DELE1: variants seen among roughly 807,000 people sequenced by gnomAD.
DELE1 encodes DAP3 binding cell death enhancer 1, also known as death ligand signal enhancer.
In DELE1, 54 loss-of-function variants were observed where a neutral mutation model predicts 59.3. The ratio of observed to expected loss-of-function variants is 0.91; its 90% CI spans 0.73 to 1.14. The LOEUF is 1.14. Among genes scored for constraint, DELE1 ranks in the 50% most tolerant of loss-of-function variants. The pLI, the probability that DELE1 is intolerant of heterozygous loss-of-function variation, is 0.00. For synonymous variants in DELE1, 264 were observed against 259.1 expected, an observed-to-expected ratio of 1.02 and a Z score of -0.18; for missense variants, 636 against 643.9, an observed-to-expected ratio of 0.99 and a Z score of 0.13.
intron 10 of DELE1, 133 bp from the exon 11 acceptor site, chr5:141,937,065 C>T (rs777075350): frequency 1.1e-5 from 16 of 1,516,452 alleles, no homozygotes; most frequent in African/African-American, 4.2e-5. Context: ...TGCTATGGGG[C>T]GGGCCAGGAC....
At position 141,940,176 on chromosome 5, in the gene DELE1, G is replaced by A. The variant is rs543409808; in HGVS notation, c.*1417G>A. Reference sequence around the variant, plus strand: ...CATCACTCTTGCCCTTGAGTATTATGGGAAGAGCCAGGGAGACGGGCAGGG... The same window carrying A: ...CATCACTCTTGCCCTTGAGTATTATAGGAAGAGCCAGGGAGACGGGCAGGG... On this transcript the variant is annotated 3_prime_UTR_variant, in exon 12 of 12. Coordinates refer to ENST00000432126, the MANE Select transcript of DELE1 (RefSeq NM_014773.5). The A allele has an allele frequency of 1.0e-6, 1 of 985,432 alleles. No individual in the cohort carries two copies. The highest frequency in any genetic ancestry group is 1.2e-6 in the Non-Finnish European group (1 of 829,934). 61.0% of individuals were successfully genotyped at this position (985,432 alleles called of 1,614,324 possible).
intron 7 of DELE1, among the ~76,000 whole-genome samples, chr5:141,932,505 A>G (rs1751992340): frequency 6.6e-6 from 1 of 152,240 alleles, no homozygotes. Context: ...GACAGGAATC[A>G]GGGAAGCTTC....
chr5:141,940,788 G>T lies in DELE1; in HGVS notation c.*2029G>T. On this transcript the variant is annotated 3_prime_UTR_variant, in exon 12 of 12. Coordinates refer to ENST00000432126, the MANE Select transcript of DELE1 (RefSeq NM_014773.5). ...CAGTGTCCCCAGCACTGAGTGCAAG[G>T]CCCCATGCAGGGTAGGAAACCTGAG... 1.0e-6 allele frequency: 1 copy of T among 984,490 alleles called. No individual in the cohort carries two copies. The highest frequency in any genetic ancestry group is 1.2e-6 in the Non-Finnish European group (1 of 829,060). The allele number at this position is 984,490 out of a possible 1,614,324, so 61.0% of individuals were successfully genotyped here.
Position 141,939,873 on chromosome 5 carries a change from T to A in DELE1, c.*1114T>A. 1.7e-6 allele frequency: 1 copy of A among 592,264 alleles called. No individual in the cohort carries two copies. The highest frequency in any genetic ancestry group is 2.1e-6 in the Non-Finnish European group (1 of 471,268). 36.7% of individuals were successfully genotyped at this position (592,264 alleles called of 1,614,324 possible). On this transcript the variant is annotated 3_prime_UTR_variant, in exon 12 of 12. Transcript: ENST00000432126. ...ACAGAGAGGACCTTTGTGCTCACTT[T>A]GGCCCAGGAGGCAGTGATGCTCATG...
At chr5:141,936,507 G>C (rs1056571724) in intron 10 of DELE1, among the ~76,000 whole-genome samples, 1 of 152,136 alleles carries the variant, frequency 6.6e-6, no homozygotes, top group Middle Eastern at 3.4e-3. Flanking sequence ...CGATCTCAGC[G>C]CACTGCAACC....
chr5:141,927,670 G>A (rs907507868), intron 3 of DELE1, among the ~76,000 whole-genome samples: 3 of 152,202 alleles, frequency 2.0e-5, no homozygotes, highest in East Asian at 1.9e-4. Flanking sequence ...GGGAATGGGA[G>A]TTGGTGGAAG....
intron 4 of DELE1, among the ~76,000 whole-genome samples, chr5:141,929,119 A>G (rs1751665312): frequency 6.6e-6 from 1 of 152,186 alleles, no homozygotes; most frequent in African/African-American, 2.4e-5. Context: ...AGGGAAGCCA[A>G]GGAAACAGAG....
chr5:141,924,652 A>G lies in DELE1; in HGVS notation c.103A>G (p.Thr35Ala). 2 of 1,614,102 alleles carry G rather than the reference A, an allele frequency of 1.2e-6. No individual in the cohort carries two copies. Among genetic ancestry groups the G allele is most frequent in the Non-Finnish European group, 1.7e-6 (2 of 1,179,966 alleles). The change falls in exon 2 of 12, where the codon ACT becomes GCT. Residue 35 changes from threonine to alanine, a missense_variant. Thr to Ala is a moderately conservative substitution (Grantham distance 58). Coordinates refer to ENST00000432126, the MANE Select transcript of DELE1 (RefSeq NM_014773.5). ...GTCCACCAGCCCAGATGGGCCTCAGACTACCTCCTCCACTTTGCTGGTTCC... is the reference window on the plus strand; with the variant it reads ...GTCCACCAGCCCAGATGGGCCTCAGGCTACCTCCTCCACTTTGCTGGTTCC... ...PKSTSPDGPQTTSSTLLVPVP... is the reference protein window; with the variant it reads ...PKSTSPDGPQATSSTLLVPVP...
At chr5:141,925,130 C>G (rs894438948) in intron 2 of DELE1, among the ~76,000 whole-genome samples, 1 of 151,974 alleles carries the variant, frequency 6.6e-6, no homozygotes, top group African/African-American at 2.4e-5. Context: ...GGGGTTTCAC[C>G]ATGTTAGCCA....
At chr5:141,928,339 G>T (rs367773476) in intron 4 of DELE1, 41 bp downstream of exon 4, 1 of 1,590,554 alleles carries the variant, frequency 6.3e-7, no homozygotes, top group South Asian at 1.1e-5. Context: ...TGGGCTGGGC[G>T]TTTCTCTGGG....
At position 141,934,505 on chromosome 5, in the gene DELE1, C is replaced by T. The variant is rs745629332; in HGVS notation, c.1068C>T (p.Phe356=). The change falls in exon 10 of 12, where the codon TTC becomes TTT. Residue 356 remains phenylalanine (F), a synonymous_variant. Transcript: ENST00000432126. The part of the protein sequence containing the change: ...ADSGLREAQA[F]LGVLFTKEPY... ...CTCCTTGACCACAGGCCCAAGCTTT[C>T]CTCGGGGTGCTTTTCACCAAGGAGC... The T allele has an allele frequency of 6.2e-7, 1 of 1,614,260 alleles. No individual in the cohort carries two copies. The highest frequency in any genetic ancestry group is 1.1e-5 in the South Asian group (1 of 91,088).
At chr5:141,938,421 C>T in intron 11 of DELE1, 100 bp from the exon 12 acceptor site, 1 of 1,522,744 alleles carries the variant, frequency 6.6e-7, no homozygotes, top group Non-Finnish European at 8.8e-7. Context: ...TGGGAGTTAA[C>T]AATGCCTGGG....
In DELE1 at chr5:141,923,951, C is replaced by T; in HGVS notation, c.10C>T (p.Leu4Phe). The T allele has an allele frequency of 6.2e-7, 1 of 1,608,972 alleles. No homozygotes were observed. The highest frequency in any genetic ancestry group is 8.5e-7 in the Non-Finnish European group (1 of 1,177,942). The change falls in exon 1 of 12, where the codon CTC (leucine) becomes TTC (phenylalanine). Residue 4 changes from leucine (L) to phenylalanine (F), a missense_variant. Coordinates refer to ENST00000432126, the MANE Select transcript of DELE1 (RefSeq NM_014773.5). ...TGGTGCTGGCAGCGACATGTGGCGC[C>T]TCCCGGGACTCCTGGGCCGAGGTAA... MWR[L>F]PGLLGRALPR...
rs766355027 is a variant in DELE1, at chr5:141,941,374, G to A, written c.*2615G>A. On this transcript the variant is annotated 3_prime_UTR_variant, in exon 12 of 12. Transcript: ENST00000432126. ...TTTAAAAAGGAAGGGCCTCTCCTGTGGAAAGGGAAGGATGGCAGAGTCGTG... is the reference window on the plus strand; with the variant it reads ...TTTAAAAAGGAAGGGCCTCTCCTGTAGAAAGGGAAGGATGGCAGAGTCGTG... 36 of 985,458 alleles carry A rather than the reference G, an allele frequency of 3.7e-5. No homozygotes were observed. The highest frequency in any genetic ancestry group is 4.3e-5 in the Non-Finnish European group (36 of 830,072). The allele number at this position is 985,458 out of a possible 1,614,324, so 61.0% of individuals were successfully genotyped here. A position where few individuals can be genotyped will look rare whatever the true frequency, so the allele number is the denominator to read the frequency against.
Position 141,927,006 on chromosome 5 carries a change from C to T in DELE1, c.265-1145C>T, listed in dbSNP as rs183172395. On this transcript the variant is annotated intron_variant, in intron 3 of 11. Coordinates refer to ENST00000432126, the MANE Select transcript of DELE1 (RefSeq NM_014773.5). ...CACGTCACCCCCACAGACAGGCTTT[C>T]CCTGACTCCTTGTCTTGTCAGGACC... is the stretch of plus-strand genomic sequence containing the variant. Among the ~76,000 whole-genome samples the T allele has an allele frequency of 2.5e-3, 385 of 152,350 alleles. 2 individuals are homozygous for T. Among genetic ancestry groups the T allele is most frequent in the Non-Finnish European group, 4.1e-3 (281 of 68,032 alleles).
Position 141,941,555 on chromosome 5 carries a change from A to G in DELE1, c.*2796A>G, listed in dbSNP as rs1752737251. 2.0e-6 allele frequency: 2 copies of G among 985,284 alleles called. No individual in the cohort carries two copies. The highest frequency in any genetic ancestry group is 6.2e-5 in the Admixed American group (1 of 16,250). The allele number at this position is 985,284 out of a possible 1,614,324, so 61.0% of individuals were successfully genotyped here. A position where few individuals can be genotyped will look rare whatever the true frequency, so the allele number is the denominator to read the frequency against. On this transcript the variant is annotated 3_prime_UTR_variant, in exon 12 of 12. Transcript: ENST00000432126. Reference sequence around the variant, plus strand: ...TAATGACTCATCATCAGTGCCCCAGAGGAAGTGTGAGAGGACGAGAGGGAG... The same window carrying G: ...TAATGACTCATCATCAGTGCCCCAGGGGAAGTGTGAGAGGACGAGAGGGAG...
intron 10 of DELE1, chr5:141,936,871 A>G: frequency 1.0e-6 from 1 of 984,824 alleles, no homozygotes; most frequent in East Asian, 1.1e-4. Context: ...TAGGAGCCCG[A>G]CTCCCAGGTT....
At position 141,940,423 on chromosome 5, in the gene DELE1, A is replaced by T. The variant is rs1403760600; in HGVS notation, c.*1664A>T. On this transcript the variant is annotated 3_prime_UTR_variant, in exon 12 of 12. Coordinates refer to ENST00000432126, the MANE Select transcript of DELE1 (RefSeq NM_014773.5). ...TGGTTGAGAGTGGGGTCTGGGAGGG[A>T]TAGAGAGCCCACCGCCCACCCCCCA... 5 of 927,484 alleles carry T rather than the reference A, an allele frequency of 5.4e-6. No homozygotes were observed. In the East Asian group the frequency reaches 6.8e-4, roughly 125 times the overall value. 57.5% of individuals were successfully genotyped at this position (927,484 alleles called of 1,614,324 possible). A position where few individuals can be genotyped will look rare whatever the true frequency, so the allele number is the denominator to read the frequency against.
chr5:141,937,090 G>GAAGTGGGAC (rs1431082617), intron 10 of DELE1, 108 bp from the exon 11 acceptor site: 479 of 1,559,528 alleles, frequency 3.1e-4, no homozygotes, highest in Middle Eastern at 1.1e-3. Flanking sequence ...CCTTGACCGT[G>GAAGTGGGAC]TGTGGATGAA....
Sources: allele counts gnomAD v4.1 joint callset (sites outside exome capture counted in the v4.1 genomes callset), GRCh38; gene constraint gnomAD v4.1.1; transcripts MANE v1.5; gene names NCBI Gene and HGNC (gene_info 2026-07-23, HGNC 2026-07-21).